CIT: variants seen among roughly 807,000 people sequenced by gnomAD.
CIT encodes the protein citron rho-interacting serine/threonine kinase.
CIT carries 79 observed loss-of-function variants against 272.7 expected under a neutral mutation model. That is an observed-to-expected ratio of 0.29 (90% CI 0.24 to 0.35). CIT has a LOEUF of 0.35. Among genes scored for constraint, CIT ranks in the 10% least tolerant of loss-of-function variants. The probability of loss-of-function intolerance (pLI) is 1.00; values close to 1 mark genes in which losing one functional copy is unlikely to be tolerated. For synonymous variants in CIT, 948 were observed against 995.6 expected, an observed-to-expected ratio of 0.95 and a Z score of 0.90; for missense variants, 1,909 against 2,618.3, an observed-to-expected ratio of 0.73 and a Z score of 5.91.
chr12:119,860,088 G>A (rs915771399), intron 3 of CIT, among the ~76,000 whole-genome samples: 3 of 152,150 alleles, frequency 2.0e-5, no homozygotes, highest in Non-Finnish European at 4.4e-5. Flanking sequence ...AAAGCACTGG[G>A]ATTACAGGCA....
At chr12:119,855,030 G>A (rs766842111) in intron 4 of CIT, among the ~76,000 whole-genome samples, 3 of 152,074 alleles carry the variant, frequency 2.0e-5, no homozygotes, top group Non-Finnish European at 2.9e-5. Context: ...AGGCTGAGGC[G>A]GGAGGGTCGC....
At chr12:119,699,489 C>T (rs7316230) in intron 44 of CIT, among the ~76,000 whole-genome samples, 6,539 of 152,220 alleles carry the variant, frequency 0.043, 458 homozygotes, top group African/African-American at 0.15. Context: ...ATGCGTGCCC[C>T]GGTGCAGTTC....
chr12:119,823,590 A>G (rs2138050718), intron 8 of CIT, among the ~76,000 whole-genome samples: 1 of 152,344 alleles, frequency 6.6e-6, no homozygotes, highest in Middle Eastern at 3.4e-3. Flanking sequence ...TTCACTCAAG[A>G]GGAGGCTCAA....
At chr12:119,820,286 C>T (rs766934225) in intron 9 of CIT, among the ~76,000 whole-genome samples, 7 of 152,182 alleles carry the variant, frequency 4.6e-5, no homozygotes, top group Admixed American at 1.3e-4. Flanking sequence ...TGCGGTGGCT[C>T]ATGTCTGTAA....
At chr12:119,791,686 A>G (rs1452072813) in intron 10 of CIT, among the ~76,000 whole-genome samples, 2 of 152,220 alleles carry the variant, frequency 1.3e-5, no homozygotes, top group African/African-American at 4.8e-5. Flanking sequence ...CACACACAGC[A>G]GTGCTGTCTC....
At position 119,803,390 on chromosome 12, in the gene CIT, C is replaced by A; in HGVS notation, c.1112-1G>T. On this transcript the variant is annotated splice_acceptor_variant, in intron 9 of 47. Transcript: ENST00000392521. LOFTEE classifies it high-confidence loss of function. ...AGGGTGGGAACGAAGGGGGGAGGAGCTGGTTAAAGAAAAACAAGAAAGGAG... is the reference window on the plus strand; with the variant it reads ...AGGGTGGGAACGAAGGGGGGAGGAGATGGTTAAAGAAAAACAAGAAAGGAG... 1 of 1,545,596 alleles carries A rather than the reference C, an allele frequency of 6.5e-7. No homozygotes were observed. Among genetic ancestry groups the A allele is most frequent in the Admixed American group, 2.1e-5 (1 of 47,048 alleles).
intron 5 of CIT, among the ~76,000 whole-genome samples, chr12:119,839,280 A>G (rs1969236546): frequency 6.6e-6 from 1 of 152,202 alleles, no homozygotes; most frequent in South Asian, 2.1e-4. Flanking sequence ...ATGCTTGCAT[A>G]TGCGGGGATG....
chr12:119,861,411 T>C (rs1950333528), intron 3 of CIT, among the ~76,000 whole-genome samples: 2 of 151,656 alleles, frequency 1.3e-5, no homozygotes, highest in South Asian at 4.2e-4. Context: ...TATGGAGAAA[T>C]CCCATCTCTA....
chr12:119,863,850 A>G lies in CIT; in HGVS notation c.238+5210T>C, dbSNP rs75686537. On this transcript the variant is annotated intron_variant, in intron 3 of 47. Coordinates refer to ENST00000392521, the MANE Select transcript of CIT (RefSeq NM_001206999.2). ...GGACCAAAAGTTTTAAACATAGAAA[A>G]AAAAAAAAAAAGAAGCTGAAGGACT... Among the ~76,000 whole-genome samples, 128 of 151,960 alleles carry G rather than the reference A, an allele frequency of 8.4e-4. 2 individuals carry two copies. In the East Asian group the frequency reaches 0.023, roughly 27 times the overall value.
intron 32 of CIT, among the ~76,000 whole-genome samples, chr12:119,715,031 A>C (rs73412195): frequency 0.012 from 1,857 of 152,308 alleles, 41 homozygotes; most frequent in African/African-American, 0.042. Context: ...ACTTGGTGGG[A>C]GATAACTGAA....
At chr12:119,692,975 A>C (rs1956040779) in intron 46 of CIT, among the ~76,000 whole-genome samples, 1 of 152,222 alleles carries the variant, frequency 6.6e-6, no homozygotes, top group Non-Finnish European at 1.5e-5. Flanking sequence ...CAAACAAAAA[A>C]ATAAATTCCG....
chr12:119,817,197 G>C (rs972450627), intron 9 of CIT, among the ~76,000 whole-genome samples: 1 of 152,154 alleles, frequency 6.6e-6, no homozygotes. Context: ...ACAGCCTATA[G>C]TCTGTATTTT....
At chr12:119,707,116 A>G (rs917778671) in intron 40 of CIT, among the ~76,000 whole-genome samples, 2 of 152,244 alleles carry the variant, frequency 1.3e-5, no homozygotes, top group Admixed American at 1.3e-4. Context: ...ACTTTCATCT[A>G]GTTCAGACAT....
chr12:119,699,026 G>A (rs192518220), intron 44 of CIT, among the ~76,000 whole-genome samples: 2 of 152,042 alleles, frequency 1.3e-5, no homozygotes, highest in African/African-American at 2.4e-5. Flanking sequence ...AGGCCGAGGC[G>A]GGTGGATCAC....
At chr12:119,756,603 T>G (rs765544794) in intron 22 of CIT, among the ~76,000 whole-genome samples, 11 of 152,198 alleles carry the variant, frequency 7.2e-5, no homozygotes, top group Non-Finnish European at 1.6e-4. Flanking sequence ...GAGAGTAGTC[T>G]TCCATCTTTT....
At chr12:119,734,384 C>A in intron 25 of CIT, 27 bp from the exon 26 acceptor site, 1 of 1,604,862 alleles carries the variant, frequency 6.2e-7, no homozygotes, top group Non-Finnish European at 8.5e-7. Flanking sequence ...CTGATTTGTG[C>A]CTTGTCTTTA....
intron 13 of CIT, among the ~76,000 whole-genome samples, chr12:119,777,669 C>CA (rs1963902852): frequency 2.8e-5 from 3 of 107,310 alleles, no homozygotes; most frequent in Middle Eastern, 4.6e-3. Context: ...GACTCCGTCT[C>CA]AAAAAAACAA....
intron 9 of CIT, 115 bp from the exon 10 acceptor site, chr12:119,803,504 G>C (rs1593808214): frequency 1.4e-6 from 1 of 701,936 alleles, no homozygotes; most frequent in Non-Finnish European, 2.3e-6. Context: ...GCACTGCAGC[G>C]CCTGCTTTCA....
chr12:119,735,251 G>A lies in CIT; in HGVS notation c.3065C>T (p.Ala1022Val), dbSNP rs1481404364. The change falls in exon 25 of 48, where the codon GCC becomes GTC. Residue 1022 changes from alanine (A) to valine (V), a missense_variant. By Grantham distance (64) the Ala-to-Val change is moderately conservative. Transcript: ENST00000392521. Reference protein sequence around the residue: ...LSKQLDEASGANDEIVQLRSE... With the variant: ...LSKQLDEASGVNDEIVQLRSE... ...TCGCAGTTGTACAATCTCGTCGTTGGCGCCAGAAGCCTCATCGAGTTGTTT... is the reference window on the plus strand; with the variant it reads ...TCGCAGTTGTACAATCTCGTCGTTGACGCCAGAAGCCTCATCGAGTTGTTT... 1 of 1,614,176 alleles carries A rather than the reference G, an allele frequency of 6.2e-7. No homozygotes were observed. The highest frequency in any genetic ancestry group is 2.2e-5 in the East Asian group (1 of 44,880).
Sources: allele counts gnomAD v4.1 joint callset (sites outside exome capture counted in the v4.1 genomes callset), GRCh38; gene constraint gnomAD v4.1.1; transcripts MANE v1.5; gene names NCBI Gene and HGNC (gene_info 2026-07-23, HGNC 2026-07-21).